DGKB: variants seen among roughly 807,000 people sequenced by gnomAD.
DGKB encodes the protein diacylglycerol kinase beta.
In DGKB, 67 loss-of-function variants were observed where a neutral mutation model predicts 114.3. The observed-to-expected ratio is 0.59, with a 90% confidence interval of 0.48 to 0.72. The LOEUF (loss-of-function observed/expected upper bound fraction) is 0.72. Among genes scored for constraint, DGKB ranks in the 30% least tolerant of loss-of-function variants. The probability of loss-of-function intolerance (pLI) is 0.00; values close to 1 mark genes in which losing one functional copy is unlikely to be tolerated. For synonymous variants in DGKB, 398 were observed against 323.1 expected, an observed-to-expected ratio of 1.23 and a Z score of -2.49; for missense variants, 907 against 975.2, an observed-to-expected ratio of 0.93 and a Z score of 0.93.
intron 23 of DGKB, among the ~76,000 whole-genome samples, chr7:14,279,635 A>T (rs10257651): frequency 0.76 from 115,404 of 151,870 alleles, 44,832 homozygotes; most frequent in South Asian, 0.86. Context: ...TGTTAGTCTG[A>T]TGGGCTTCCC....
At chr7:14,729,868 TA>T (rs1830663342) in intron 5 of DGKB, among the ~76,000 whole-genome samples, 1 of 152,170 alleles carries the variant, frequency 6.6e-6, no homozygotes, top group South Asian at 2.1e-4. Context: ...TGAGTTTAAA[TA>T]AATAGATAGG....
chr7:14,676,355 T>C (rs1030624936), intron 12 of DGKB, among the ~76,000 whole-genome samples: 4 of 152,104 alleles, frequency 2.6e-5, no homozygotes, highest in African/African-American at 9.7e-5. Context: ...AGACCTACTA[T>C]GTGATAGCAC....
intron 23 of DGKB, among the ~76,000 whole-genome samples, chr7:14,246,576 G>A (rs925989385): frequency 6.6e-6 from 1 of 152,028 alleles, no homozygotes; most frequent in Non-Finnish European, 1.5e-5. Flanking sequence ...CTGTAAGTTT[G>A]GAAATCATAC....
At chr7:14,367,347 GT>G (rs1172499881) in intron 21 of DGKB, among the ~76,000 whole-genome samples, 2 of 151,990 alleles carry the variant, frequency 1.3e-5, no homozygotes, top group Admixed American at 6.6e-5. Flanking sequence ...ATGAGGGCGG[GT>G]TTTTTCCCAT....
intron 21 of DGKB, among the ~76,000 whole-genome samples, chr7:14,476,230 T>C (rs752731707): frequency 6.6e-6 from 1 of 152,056 alleles, no homozygotes; most frequent in Non-Finnish European, 1.5e-5. Context: ...TCTTATAATA[T>C]GTTTTGTACA....
chr7:14,452,769 T>C (rs1831716549), intron 21 of DGKB, among the ~76,000 whole-genome samples: 1 of 152,032 alleles, frequency 6.6e-6, no homozygotes, highest in Non-Finnish European at 1.5e-5. Context: ...AGAAATGCAT[T>C]GTTTGGAAAT....
intron 23 of DGKB, among the ~76,000 whole-genome samples, chr7:14,214,589 C>G (rs1475464312): frequency 6.6e-6 from 1 of 152,018 alleles, no homozygotes; most frequent in Non-Finnish European, 1.5e-5. Context: ...CTTTCTCCAA[C>G]AAACATATTT....
chr7:14,972,441 C>G (rs368126095), intron 1 of DGKB, among the ~76,000 whole-genome samples: 2 of 151,942 alleles, frequency 1.3e-5, no homozygotes, highest in East Asian at 3.9e-4. Context: ...TGTTTGTTTT[C>G]AAATCCACAG....
chr7:14,324,406 C>T (rs1365779568), intron 23 of DGKB, among the ~76,000 whole-genome samples: 2 of 146,204 alleles, frequency 1.4e-5, no homozygotes, highest in Admixed American at 6.9e-5. Context: ...AAGATTGCAC[C>T]ACCGCACTCC....
At chr7:14,389,706 C>G (rs1023054434) in intron 21 of DGKB, among the ~76,000 whole-genome samples, 2 of 152,152 alleles carry the variant, frequency 1.3e-5, no homozygotes, top group Non-Finnish European at 2.9e-5. Flanking sequence ...GAAAAGTAAA[C>G]AGCACTTCAG....
chr7:14,483,492 A>G (rs78445779), intron 20 of DGKB, among the ~76,000 whole-genome samples: 4,081 of 152,234 alleles, frequency 0.027, 188 homozygotes, highest in African/African-American at 0.092. Flanking sequence ...GGACTGAGCC[A>G]TTTGGGGATA....
intron 13 of DGKB, among the ~76,000 whole-genome samples, chr7:14,654,897 TA>T (rs1270714976): frequency 6.6e-6 from 1 of 151,740 alleles, no homozygotes; most frequent in Non-Finnish European, 1.5e-5. Flanking sequence ...ATTAACAACT[TA>T]AATGTAAGAC....
intron 23 of DGKB, among the ~76,000 whole-genome samples, chr7:14,283,319 C>A (rs1456560243): frequency 6.6e-6 from 1 of 151,200 alleles, no homozygotes; most frequent in Non-Finnish European, 1.5e-5. Flanking sequence ...ATGTGAAGGA[C>A]CTCTTCAAGG....
chr7:14,380,408 T>C (rs1819249359), intron 21 of DGKB, among the ~76,000 whole-genome samples: 1 of 152,112 alleles, frequency 6.6e-6, no homozygotes, highest in Non-Finnish European at 1.5e-5. Context: ...ATGTAAATCA[T>C]ATAAACATAC....
intron 1 of DGKB, among the ~76,000 whole-genome samples, chr7:14,944,556 G>C (rs892895670): frequency 5.9e-5 from 9 of 151,660 alleles, no homozygotes; most frequent in African/African-American, 2.2e-4. Context: ...TCTGTAATAC[G>C]TAAACCGCTA....
intron 21 of DGKB, among the ~76,000 whole-genome samples, chr7:14,361,727 C>A (rs1294560982): frequency 2.2e-4 from 33 of 151,912 alleles, no homozygotes; most frequent in Admixed American, 2.2e-3. Context: ...ACCTTTATAC[C>A]ATTTTCTCCT....
chr7:14,474,057 G>T (rs1280293302), intron 21 of DGKB, among the ~76,000 whole-genome samples: 1 of 152,162 alleles, frequency 6.6e-6, no homozygotes, highest in Non-Finnish European at 1.5e-5. Flanking sequence ...GGCATGATTG[G>T]TTTTGAAATA....
intron 21 of DGKB, among the ~76,000 whole-genome samples, chr7:14,454,333 T>TC (rs1293867743): frequency 6.6e-6 from 1 of 152,144 alleles, no homozygotes; most frequent in Non-Finnish European, 1.5e-5. Context: ...CTATGGTATT[T>TC]CCTGTATGTC....
At chr7:14,494,076 C>T (rs867207174) in intron 20 of DGKB, among the ~76,000 whole-genome samples, 6 of 151,528 alleles carry the variant, frequency 4.0e-5, no homozygotes, top group Non-Finnish European at 2.9e-5. Context: ...ATTTTGGCAC[C>T]GATGTATTAG....
Sources: gnomAD v4.1 joint callset for allele counts (sites outside exome capture counted in the v4.1 genomes callset) on GRCh38, gnomAD v4.1.1 for gene constraint, MANE v1.5 for transcripts, NCBI Gene and HGNC (gene_info 2026-07-23, HGNC 2026-07-21) for gene names.